Variants in RAB3IP observed in about 807,000 individuals in gnomAD.
The protein encoded by RAB3IP is rab-3A-interacting protein.
A neutral mutation model predicts 59.1 loss-of-function variants in RAB3IP; 36 were observed. The ratio of observed to expected loss-of-function variants is 0.61; its 90% CI spans 0.47 to 0.80. RAB3IP has a LOEUF of 0.80. Ranked by LOEUF, RAB3IP falls within the 30% of genes least tolerant of loss-of-function variation. The pLI is 0.00. For synonymous variants in RAB3IP, 207 were observed against 191.2 expected (o/e 1.08, Z -0.68); for missense variants, 511 against 536.0 (o/e 0.95, Z 0.46).
In RAB3IP at chr12:69,755,561, A is replaced by G; in HGVS notation, c.153A>G (p.Val51=). The change falls in exon 2 of 11, where the codon GTA becomes GTG. Residue 51 remains valine, a synonymous_variant. Transcript: ENST00000247833. The part of the protein sequence containing the change: ...YRPHPSALSS[V]PIQANALDVS... ...CACACCCTTCAGCTTTATCCTCTGT[A>G]CCTATCCAGGCAAATGCATTAGATG... 1.2e-6 allele frequency: 2 copies of G among 1,613,934 alleles called. No individual in the cohort carries two copies. The highest frequency in any genetic ancestry group is 1.1e-5 in the South Asian group (1 of 91,070).
At chr12:69,770,420 A>G (rs927346805) in intron 3 of RAB3IP, among the ~76,000 whole-genome samples, 1 of 152,222 alleles carries the variant, frequency 6.6e-6, no homozygotes, top group Non-Finnish European at 1.5e-5. Context: ...TATAATATAA[A>G]TGCTGTGTAA....
chr12:69,786,059 T>C (rs946824402), intron 4 of RAB3IP, among the ~76,000 whole-genome samples: 28 of 152,348 alleles, frequency 1.8e-4, no homozygotes, highest in Non-Finnish European at 4.0e-4. Context: ...CTTAAAACTT[T>C]TATTATAATA....
chr12:69,821,931 C>G lies in RAB3IP; in HGVS notation c.*6485C>G, dbSNP rs1274239724. The G allele has an allele frequency of 1.3e-5, 2 of 152,250 alleles. No homozygotes were observed. Among genetic ancestry groups the G allele is most frequent in the Admixed American group, 1.3e-4 (2 of 15,286 alleles). 9.4% of individuals were successfully genotyped at this position (152,250 alleles called of 1,614,324 possible). ...AGTATTTCAGTTCGGAACCCCAATT[C>G]TAACCTTAGCTTCTCAGGCCATTAA... On this transcript the variant is annotated 3_prime_UTR_variant, in exon 11 of 11. Coordinates refer to ENST00000247833, the MANE Select transcript of RAB3IP (RefSeq NM_022456.5).
Position 69,815,392 on chromosome 12 carries a change from G to A in RAB3IP, c.1329G>A (p.Gln443=). The change falls in exon 11 of 11, where the codon CAG becomes CAA. Residue 443 remains glutamine, a synonymous_variant. Transcript: ENST00000247833. ...ATCAGATGTTTTGGGAGGTTATGCAGTTGAGAAAAGAGATGTCATTGGCAA... is the reference window on the plus strand; with the variant it reads ...ATCAGATGTTTTGGGAGGTTATGCAATTGAGAAAAGAGATGTCATTGGCAA... The part of the protein sequence containing the change: ...DVDQMFWEVM[Q]LRKEMSLAKL... The A allele has an allele frequency of 1.2e-6, 2 of 1,612,520 alleles. No individual in the cohort carries two copies. Among genetic ancestry groups the A allele is most frequent in the Non-Finnish European group, 1.7e-6 (2 of 1,178,638 alleles).
chr12:69,814,933 T>C (rs868813705), intron 10 of RAB3IP, among the ~76,000 whole-genome samples: 1 of 152,326 alleles, frequency 6.6e-6, no homozygotes, highest in South Asian at 2.1e-4. Flanking sequence ...ATTGTCTTGT[T>C]TTCTTTTTTT....
chr12:69,791,373 A>T (rs192481942), intron 4 of RAB3IP, among the ~76,000 whole-genome samples: 1 of 152,192 alleles, frequency 6.6e-6, no homozygotes, highest in African/African-American at 2.4e-5. Context: ...CCAGCAAAAA[A>T]CAGTCAACAA....
rs887955168 is a variant in RAB3IP, at chr12:69,805,159, T to A, written c.1130+3438T>A. On this transcript the variant is annotated intron_variant, in intron 8 of 10. Transcript: ENST00000247833. ...AATGTTCTTCCATTTGTTTGTATCCTCTTTTATTTCATTGAGCAGTGGTTT... is the reference window on the plus strand; with the variant it reads ...AATGTTCTTCCATTTGTTTGTATCCACTTTTATTTCATTGAGCAGTGGTTT... Among the ~76,000 whole-genome samples, 55 of 152,230 alleles carry A rather than the reference T, an allele frequency of 3.6e-4. 1 individual carries two copies. Among genetic ancestry groups the A allele is most frequent in the African/African-American group, 1.3e-3 (53 of 41,452 alleles).
intron 8 of RAB3IP, among the ~76,000 whole-genome samples, chr12:69,807,079 G>C (rs1464218858): frequency 6.6e-6 from 1 of 152,048 alleles, no homozygotes; most frequent in South Asian, 2.1e-4. Context: ...GCCTGTTCTC[G>C]ACGGTCGCTG....
chr12:69,765,517 A>G (rs1314898018), intron 3 of RAB3IP, among the ~76,000 whole-genome samples: 1 of 151,726 alleles, frequency 6.6e-6, no homozygotes, highest in Non-Finnish European at 1.5e-5. Context: ...TAACTTTTTG[A>G]TGTGCTGTTG....
intron 10 of RAB3IP, among the ~76,000 whole-genome samples, chr12:69,814,782 C>T (rs1002025172): frequency 6.6e-6 from 1 of 152,074 alleles, no homozygotes; most frequent in Non-Finnish European, 1.5e-5. Context: ...AAGGAGCCAA[C>T]GTTTTTCCAC....
chr12:69,795,559 A>G (rs1172544261), intron 6 of RAB3IP: 1 of 592,916 alleles, frequency 1.7e-6, no homozygotes, highest in Admixed American at 3.0e-5. Flanking sequence ...AAACTTGGTA[A>G]GTTTCTTAAT....
At chr12:69,805,871 T>G (rs962000081) in intron 8 of RAB3IP, among the ~76,000 whole-genome samples, 3 of 152,148 alleles carry the variant, frequency 2.0e-5, no homozygotes, top group African/African-American at 7.2e-5. Context: ...TGGATAAGCT[T>G]TTTGATGTGT....
At chr12:69,759,766 G>A (rs1345038882) in intron 3 of RAB3IP, among the ~76,000 whole-genome samples, 5 of 150,724 alleles carry the variant, frequency 3.3e-5, no homozygotes, top group African/African-American at 4.9e-5. Flanking sequence ...CCTCCCTCCC[G>A]GATGGGGCGG....
intron 1 of RAB3IP, among the ~76,000 whole-genome samples, chr12:69,748,820 ATAAATCT>A (rs1451577359): frequency 2.6e-4 from 39 of 152,368 alleles, no homozygotes; most frequent in African/African-American, 9.1e-4. Context: ...CGTATGTGAA[ATAAATCT>A]TAAAGCTTCT....
intron 8 of RAB3IP, among the ~76,000 whole-genome samples, chr12:69,804,255 A>G (rs949889234): frequency 2.0e-4 from 30 of 152,312 alleles, no homozygotes; most frequent in African/African-American, 6.3e-4. Flanking sequence ...GCCAGTGATG[A>G]TGAGCATTTT....
At chr12:69,807,794 G>A (rs1879697654) in intron 8 of RAB3IP, among the ~76,000 whole-genome samples, 9 of 147,086 alleles carry the variant, frequency 6.1e-5, no homozygotes. Flanking sequence ...CCCAGATGAT[G>A]GGCAGCCAGG....
At chr12:69,741,264 ACAAG>A (rs2136090120) in intron 1 of RAB3IP, among the ~76,000 whole-genome samples, 1 of 152,330 alleles carries the variant, frequency 6.6e-6, no homozygotes, top group East Asian at 1.9e-4. Context: ...ATCAAATTTT[ACAAG>A]TCAGGAAATG....
rs570251134 is a variant in RAB3IP at position 69,789,563 on chromosome 12, G to A, written c.606+4748G>A. Among the ~76,000 whole-genome samples the A allele has an allele frequency of 7.9e-5, 12 of 152,194 alleles. No homozygotes were observed. The South Asian group carries it at 8.3e-4, about 11-fold the overall frequency. On this transcript the variant is annotated intron_variant, in intron 4 of 10. Coordinates refer to ENST00000247833, the MANE Select transcript of RAB3IP (RefSeq NM_022456.5). ...TTTACACTCTTACAAAAATAGAAGA[G>A]GGAACCCTTCCAAACTCATTTTATG...
Position 69,739,185 on chromosome 12 carries a change from G to T in RAB3IP, c.-26+154G>T, listed in dbSNP as rs150404747. ...GGGCGCGGCACGCGGGGGTTCGGGG[G>T]GATGCCCAGGCCCGGTGAGCTCGCT... On this transcript the variant is annotated intron_variant, in intron 1 of 10. Transcript: ENST00000247833. The T allele has an allele frequency of 9.4e-3, 1,432 of 152,320 alleles. 11 individuals are homozygous for T. Among genetic ancestry groups the T allele is most frequent in the Non-Finnish European group, 0.015 (1,007 of 68,204 alleles). 9.4% of individuals were successfully genotyped at this position (152,320 alleles called of 1,614,324 possible).
Sources: gnomAD v4.1 joint callset for allele counts (sites outside exome capture counted in the v4.1 genomes callset) on GRCh38, gnomAD v4.1.1 for gene constraint, MANE v1.5 for transcripts, NCBI Gene and HGNC (gene_info 2026-07-23, HGNC 2026-07-21) for gene names.